Variants in ZNF771 observed in about 807,000 individuals in gnomAD.
ZNF771 encodes mesenchymal stem cell protein DSC43.
Under a neutral mutation model 27.6 loss-of-function variants are expected in ZNF771, and 10 were observed. The ratio of observed to expected loss-of-function variants is 0.36; its 90% CI spans 0.22 to 0.61. The LOEUF (loss-of-function observed/expected upper bound fraction) is 0.61. Among genes scored for constraint, ZNF771 ranks in the 20% least tolerant of loss-of-function variants. The pLI is 0.70. For synonymous variants in ZNF771, 261 were observed against 225.2 expected (o/e 1.16, Z -1.43); for missense variants, 438 against 503.7 (o/e 0.87, Z 1.25).
chr16:30,410,353 G>A (rs952170778), intron 2 of ZNF771, among the ~76,000 whole-genome samples: 4 of 151,886 alleles, frequency 2.6e-5, no homozygotes, highest in Non-Finnish European at 4.4e-5. Context: ...CGCCCGCCTC[G>A]GCCTCCCAAA....
intron 2 of ZNF771, among the ~76,000 whole-genome samples, chr16:30,408,462 C>T (rs575647104): frequency 6.6e-6 from 1 of 152,266 alleles, no homozygotes; most frequent in South Asian, 2.1e-4. Context: ...AGGGTAACCA[C>T]ACAGTTAGAA....
intron 2 of ZNF771, among the ~76,000 whole-genome samples, chr16:30,409,897 C>A (rs201524846): frequency 6.6e-6 from 1 of 152,242 alleles, no homozygotes; most frequent in Non-Finnish European, 1.5e-5. Flanking sequence ...GTTTCCTAAC[C>A]GCTCCACGCC....
intron 2 of ZNF771, among the ~76,000 whole-genome samples, chr16:30,410,217 C>CTCAG (rs2050096565): frequency 6.6e-6 from 1 of 152,008 alleles, no homozygotes; most frequent in South Asian, 2.1e-4. Flanking sequence ...ATTCTCCTGC[C>CTCAG]TCAGTCTCCT....
At position 30,418,580 on chromosome 16, in the gene ZNF771, A is replaced by T; in HGVS notation, c.*213A>T. The T allele has an allele frequency of 2.0e-6, 1 of 490,290 alleles. No individual in the cohort carries two copies. The highest frequency in any genetic ancestry group is 3.8e-5 in the South Asian group (1 of 26,270). The allele number at this position is 490,290 out of a possible 1,614,324, so 30.4% of individuals were successfully genotyped here. On this transcript the variant is annotated 3_prime_UTR_variant, in exon 3 of 3. Coordinates refer to ENST00000319296, the MANE Select transcript of ZNF771 (RefSeq NM_001142305.2). ...TTCCCTCGGCCCGTGTTAGTGAATA[A>T]AGTATTATATCCTCACCCCACCCGT...
At chr16:30,411,695 T>C (rs1385714973) in intron 2 of ZNF771, among the ~76,000 whole-genome samples, 1 of 152,192 alleles carries the variant, frequency 6.6e-6, no homozygotes, top group Admixed American at 6.5e-5. Context: ...TTGAGGATTA[T>C]GCACACATAT....
intron 1 of ZNF771, 88 bp from the exon 2 acceptor site, chr16:30,407,957 A>C: frequency 1.1e-6 from 1 of 883,370 alleles, no homozygotes; most frequent in Non-Finnish European, 1.6e-6. Flanking sequence ...CCACGGCTGC[A>C]CTGCCTTGCT....
intron 2 of ZNF771, among the ~76,000 whole-genome samples, chr16:30,412,324 G>GTGATGT (rs1304062976): frequency 6.6e-6 from 1 of 152,204 alleles, no homozygotes; most frequent in African/African-American, 2.4e-5. Flanking sequence ...AAAGTTCCCA[G>GTGATGT]TGATGTTGAT....
rs576828842 is a variant in ZNF771, at chr16:30,417,548, C to T, written c.142-7C>T. On this transcript the variant is annotated splice_polypyrimidine_tract_variant and splice_region_variant and intron_variant, in intron 2 of 2. Coordinates refer to ENST00000319296, the MANE Select transcript of ZNF771 (RefSeq NM_001142305.2). ...CTAAGGGCTGACCTATCCCCCTCTC[C>T]CCGCAGGTCCCGGGCGAGGCGCCCG... is the stretch of plus-strand genomic sequence containing the variant. 12,964 of 1,217,164 alleles carry T rather than the reference C, an allele frequency of 0.011. 92 individuals are homozygous for T. The highest frequency in any genetic ancestry group is 0.012 in the Non-Finnish European group (11,593 of 979,802). 75.4% of individuals were successfully genotyped at this position (1,217,164 alleles called of 1,614,324 possible).
chr16:30,418,348 C>G lies in ZNF771; in HGVS notation c.935C>G (p.Pro312Arg). The change falls in exon 3 of 3, where the codon CCG (proline) becomes CGG (arginine). Residue 312 changes from proline to arginine, a missense_variant. By Grantham distance (103) the Pro-to-Arg change is moderately radical. Around this residue, in one of 3 missense-constraint regions of ZNF771, gnomAD observed 305 missense variants for 308.0 expected, o/e 0.99. Coordinates refer to ENST00000319296, the MANE Select transcript of ZNF771 (RefSeq NM_001142305.2). The stretch of plus-strand genomic sequence containing the variant: ...GCCGCCACTGCCACCGAGCGTTGCC[C>G]GGAGTGTGAGGGCAGCTGAGTCCCG... ...ATAATATERC[P>R]ECEGS 1 of 1,447,072 alleles carries G rather than the reference C, an allele frequency of 6.9e-7. No individual in the cohort carries two copies. The highest frequency in any genetic ancestry group is 9.1e-7 in the Non-Finnish European group (1 of 1,101,880). 89.6% of individuals were successfully genotyped at this position (1,447,072 alleles called of 1,614,324 possible).
At chr16:30,414,214 T>C (rs1160400732) in intron 2 of ZNF771, 2 of 152,212 alleles carry the variant, frequency 1.3e-5, no homozygotes, top group African/African-American at 2.4e-5. Context: ...AGGGCAAGAC[T>C]GGAAAATGTG....
At position 30,418,116 on chromosome 16, in the gene ZNF771, G is replaced by C. The variant is rs1239697660; in HGVS notation, c.703G>C (p.Val235Leu). The C allele has an allele frequency of 1.4e-6, 2 of 1,479,180 alleles. No individual in the cohort carries two copies. The highest frequency in any genetic ancestry group is 1.8e-6 in the Non-Finnish European group (2 of 1,122,242). 91.6% of individuals were successfully genotyped at this position (1,479,180 alleles called of 1,614,324 possible). Residue 235 changes from valine to leucine, a missense_variant, in exon 3 of 3, where the codon GTG becomes CTG. Physicochemically the swap from Val to Leu is conservative, Grantham distance 32 (BLOSUM62 1). Transcript: ENST00000319296. ...HTGEKPHRCA[V>L]CGRRFGHRSN... is the part of the protein sequence containing the mutation. ...GGGCGAGAAGCCGCACCGCTGCGCT[G>C]TGTGTGGCCGTCGCTTCGGCCACCG... is the stretch of plus-strand genomic sequence containing the variant.
rs1327422497 is a variant in ZNF771, at chr16:30,419,407, TA to T, written c.*1047del. 2 of 152,520 alleles carry T rather than the reference TA, an allele frequency of 1.3e-5. No homozygotes were observed. Among genetic ancestry groups the T allele is most frequent in the Admixed American group, 6.6e-5 (1 of 15,098 alleles). The allele number at this position is 152,520 out of a possible 1,614,324, so 9.4% of individuals were successfully genotyped here. ...AGAACAAAGTGAGACCCCCATCTAT[TA>T]AAAAAAGAAAAAAAAAGGCTGGGCA... On this transcript the variant is annotated 3_prime_UTR_variant, in exon 3 of 3. Transcript: ENST00000319296.
Position 30,417,670 on chromosome 16 carries a change from C to A in ZNF771, c.257C>A (p.Thr86Lys), listed in dbSNP as rs759737772. Residue 86 changes from threonine (T) to lysine (K), a missense_variant, in exon 3 of 3, where the codon ACG becomes AAG. Transcript: ENST00000319296. ...CTGGCGAAGCACGCGCGCACGCACACGGGCGAACGGCCCTTCGGGTGCACC... is the reference window on the plus strand; with the variant it reads ...CTGGCGAAGCACGCGCGCACGCACAAGGGCGAACGGCCCTTCGGGTGCACC... ...STLAKHARTH[T>K]GERPFGCTEC... 7.2e-7 allele frequency: 1 copy of A among 1,385,322 alleles called. No homozygotes were observed. The highest frequency in any genetic ancestry group is 9.3e-7 in the Non-Finnish European group (1 of 1,072,378). 85.8% of individuals were successfully genotyped at this position (1,385,322 alleles called of 1,614,324 possible). A position where few individuals can be genotyped will look rare whatever the true frequency, so the allele number is the denominator to read the frequency against.
chr16:30,412,053 C>T (rs1207954020), intron 2 of ZNF771, among the ~76,000 whole-genome samples: 2 of 152,186 alleles, frequency 1.3e-5, no homozygotes, highest in African/African-American at 4.8e-5. Flanking sequence ...AGCTCCTAAA[C>T]TTGGCATTCA....
chr16:30,418,445 C>T lies in ZNF771; in HGVS notation c.*78C>T. On this transcript the variant is annotated 3_prime_UTR_variant, in exon 3 of 3. Transcript: ENST00000319296. The stretch of plus-strand genomic sequence containing the variant: ...CCCAGGCTCCTCCTCGCCCCGGCCT[C>T]CGGGTCTGGGAAATTGAGGGGACGG... 1.5e-6 allele frequency: 2 copies of T among 1,323,948 alleles called. No homozygotes were observed. Among genetic ancestry groups the T allele is most frequent in the Admixed American group, 3.9e-5 (1 of 25,878 alleles). 82.0% of individuals were successfully genotyped at this position (1,323,948 alleles called of 1,614,324 possible).
chr16:30,407,993 G>GC lies in ZNF771; in HGVS notation c.-9-52_-9-51insC, dbSNP rs1597028893. 2.0e-5 allele frequency: 18 copies of GC among 902,900 alleles called. 1 individual carries two copies. Among genetic ancestry groups the GC allele is most frequent in the Non-Finnish European group, 2.8e-5 (18 of 636,168 alleles). 55.9% of individuals were successfully genotyped at this position (902,900 alleles called of 1,614,324 possible). On this transcript the variant is annotated intron_variant, in intron 1 of 2. Coordinates refer to ENST00000319296, the MANE Select transcript of ZNF771 (RefSeq NM_001142305.2). ...GGGCCAGGGCCACGGTGGGCGGGGG[G>GC]GGGGGTGGGGGGGGGCGGGTCCTGA...
At chr16:30,410,687 C>T (rs1160029138) in intron 2 of ZNF771, among the ~76,000 whole-genome samples, 2 of 151,706 alleles carry the variant, frequency 1.3e-5, no homozygotes, top group Admixed American at 6.6e-5. Context: ...TAGGGCAGGA[C>T]GTACTGTGTT....
chr16:30,411,568 G>A (rs754718925), intron 2 of ZNF771, among the ~76,000 whole-genome samples: 13 of 152,232 alleles, frequency 8.5e-5, no homozygotes, highest in Admixed American at 3.3e-4. Context: ...TAACTCCACC[G>A]TTTACCAGCT....
chr16:30,410,142 C>T (rs533967694), intron 2 of ZNF771, among the ~76,000 whole-genome samples: 7 of 148,858 alleles, frequency 4.7e-5, no homozygotes, highest in Admixed American at 1.3e-4. Flanking sequence ...CTCACTATGT[C>T]GCCCAGGCTG....
Sources: gnomAD v4.1 joint callset for allele counts (sites outside exome capture counted in the v4.1 genomes callset) on GRCh38, gnomAD v4.1.1 for gene constraint, gnomAD v4.1.1 regional missense constraint, MANE v1.5 for transcripts, NCBI Gene and HGNC (gene_info 2026-07-23, HGNC 2026-07-21) for gene names.